The following GABRB2 variants were observed in gnomAD, a reference collection of about 807,000 sequenced individuals.
GABRB2 encodes the protein gamma-aminobutyric acid receptor subunit beta-2.
In GABRB2, 16 loss-of-function variants were observed where a neutral mutation model predicts 54.7. The observed-to-expected ratio is 0.29, with a 90% CI of 0.20 to 0.44. The LOEUF (loss-of-function observed/expected upper bound fraction) is 0.44. Among genes scored for constraint, GABRB2 ranks in the 20% least tolerant of loss-of-function variants. The probability of loss-of-function intolerance (pLI) is 1.00; values close to 1 mark genes in which losing one functional copy is unlikely to be tolerated. For missense variants in GABRB2, 355 were observed against 644.0 expected (o/e 0.55, Z 4.86); for synonymous variants, 244 against 233.8 (o/e 1.04, Z -0.40).
chr5:161,362,599 A>G (rs372275017), intron 5 of GABRB2, among the ~76,000 whole-genome samples: 1 of 151,994 alleles, frequency 6.6e-6, no homozygotes, highest in African/African-American at 2.4e-5. Context: ...GGCAACCTAC[A>G]GAATGGGAGA....
intron 4 of GABRB2, among the ~76,000 whole-genome samples, chr5:161,433,394 G>GCC (rs1757222684): frequency 1.3e-5 from 2 of 149,598 alleles, no homozygotes; most frequent in Non-Finnish European, 3.0e-5. Flanking sequence ...GAGCCCAGGA[G>GCC]TTTGAGACAA....
intron 4 of GABRB2, chr5:161,459,028 T>A (rs1213285600): frequency 1.3e-5 from 2 of 152,646 alleles, no homozygotes; most frequent in East Asian, 3.9e-4. Flanking sequence ...CAGTACAGAA[T>A]AAACTTTAAA....
rs901601236 is a variant in GABRB2 at position 161,321,787 on chromosome 5, T to G, written c.1191+4581A>C. On this transcript the variant is annotated intron_variant, in intron 9 of 9. Transcript: ENST00000393959. The stretch of plus-strand genomic sequence containing the variant: ...CATTCACTTTTTCTTAACTGGAAAT[T>G]GAGTAATTTCAGAGGAATATACTAA... Among the ~76,000 whole-genome samples, 3 of 152,174 alleles carry G rather than the reference T, an allele frequency of 2.0e-5. No homozygotes were observed. In the South Asian group the frequency reaches 6.2e-4, roughly 31 times the overall value.
intron 3 of GABRB2, among the ~76,000 whole-genome samples, chr5:161,522,905 G>A (rs1254808033): frequency 6.6e-6 from 1 of 151,356 alleles, no homozygotes; most frequent in Non-Finnish European, 1.5e-5. Flanking sequence ...GAGTGTTTCG[G>A]AGGTTTTGTG....
chr5:161,517,175 A>C (rs1339191615), intron 3 of GABRB2, among the ~76,000 whole-genome samples: 1 of 152,192 alleles, frequency 6.6e-6, no homozygotes, highest in Non-Finnish European at 1.5e-5. Flanking sequence ...TTTCATAAAG[A>C]TAGCTGTGAT....
intron 5 of GABRB2, among the ~76,000 whole-genome samples, chr5:161,377,308 A>G (rs1323233906): frequency 2.0e-5 from 3 of 152,096 alleles, no homozygotes; most frequent in Non-Finnish European, 4.4e-5. Context: ...GGGCCTCTGT[A>G]TCTTGAATCT....
At chr5:161,342,300 C>G (rs1224493829) in intron 5 of GABRB2, among the ~76,000 whole-genome samples, 1 of 151,720 alleles carries the variant, frequency 6.6e-6, no homozygotes, top group Non-Finnish European at 1.5e-5. Context: ...AATAAAATAC[C>G]TCATCATAAA....
At chr5:161,529,371 G>A (rs1444728068) in intron 3 of GABRB2, among the ~76,000 whole-genome samples, 1 of 151,936 alleles carries the variant, frequency 6.6e-6, no homozygotes, top group African/African-American at 2.4e-5. Flanking sequence ...TATGTTGGAG[G>A]CGATTCCATT....
rs1759294403 is a variant in GABRB2 at position 161,497,546 on chromosome 5, G to GTA, written c.238-37703_238-37702insTA. Among the ~76,000 whole-genome samples the GTA allele has an allele frequency of 2.0e-5, 3 of 149,178 alleles. No individual in the cohort carries two copies. The South Asian group carries it at 6.3e-4, about 32-fold the overall frequency. On this transcript the variant is annotated intron_variant, in intron 3 of 9. Transcript: ENST00000393959. ...TGTGTGTATATGTGTGTGTGTGTGT[G>GTA]TGTGTGTGTGTGTTTTATTTAGTAA...
chr5:161,516,902 T>C (rs953479513), intron 3 of GABRB2, among the ~76,000 whole-genome samples: 2 of 152,138 alleles, frequency 1.3e-5, no homozygotes, highest in Admixed American at 6.5e-5. Context: ...TGTCTATTAG[T>C]TCCCAACCCT....
intron 4 of GABRB2, among the ~76,000 whole-genome samples, chr5:161,451,608 C>A (rs1362435616): frequency 6.6e-6 from 1 of 152,052 alleles, no homozygotes; most frequent in African/African-American, 2.4e-5. Flanking sequence ...TAGCCACAAC[C>A]AAATAGTCCA....
chr5:161,379,452 T>C lies in GABRB2; in HGVS notation c.541+31523A>G, dbSNP rs762407546. Among the ~76,000 whole-genome samples the C allele has an allele frequency of 1.3e-4, 20 of 152,172 alleles. 1 individual carries two copies. Among genetic ancestry groups the C allele is most frequent in the Non-Finnish European group, 1.9e-4 (13 of 68,028 alleles). ...AGAAGTATGCTTAGATTTATAAACA[T>C]TTTAAATATTTAAGCACAATGTAAA... On this transcript the variant is annotated intron_variant, in intron 5 of 9. Coordinates refer to ENST00000393959, the MANE Select transcript of GABRB2 (RefSeq NM_001371727.1).
intron 5 of GABRB2, among the ~76,000 whole-genome samples, chr5:161,395,077 C>T (rs1755954779): frequency 6.6e-6 from 1 of 151,990 alleles, no homozygotes. Flanking sequence ...TAATATAACC[C>T]ATCATATTAG....
intron 3 of GABRB2, among the ~76,000 whole-genome samples, chr5:161,502,650 T>A (rs1259146704): frequency 6.6e-6 from 1 of 152,158 alleles, no homozygotes; most frequent in East Asian, 1.9e-4. Context: ...GAAATTGAGG[T>A]TCGTAAACAC....
At chr5:161,326,613 G>C (rs1327298301) in intron 8 of GABRB2, 132 bp from the exon 9 acceptor site, 24 of 1,120,670 alleles carry the variant, frequency 2.1e-5, no homozygotes, top group Admixed American at 3.5e-5. Flanking sequence ...GGCTAACAGA[G>C]AATGGGAATT....
At chr5:161,429,638 T>C (rs1757117918) in intron 4 of GABRB2, among the ~76,000 whole-genome samples, 1 of 152,102 alleles carries the variant, frequency 6.6e-6, no homozygotes, top group African/African-American at 2.4e-5. Context: ...AAGTAAACAA[T>C]AGTTGACTTT....
At chr5:161,298,634 C>A (rs1053208351) in intron 9 of GABRB2, among the ~76,000 whole-genome samples, 17 of 152,222 alleles carry the variant, frequency 1.1e-4, no homozygotes, top group Non-Finnish European at 2.4e-4. Flanking sequence ...GAGTTTCTTC[C>A]CTGCTCTAAG....
At chr5:161,358,422 A>G (rs1754704008) in intron 5 of GABRB2, among the ~76,000 whole-genome samples, 1 of 152,200 alleles carries the variant, frequency 6.6e-6, no homozygotes, top group Non-Finnish European at 1.5e-5. Flanking sequence ...TTGCTAAAAA[A>G]AAAAGTGGGG....
At chr5:161,522,649 C>G (rs1760151943) in intron 3 of GABRB2, among the ~76,000 whole-genome samples, 1 of 151,282 alleles carries the variant, frequency 6.6e-6, no homozygotes. Flanking sequence ...TATATCAACC[C>G]CTTCCTTTCT....
Sources: gnomAD v4.1 joint callset for allele counts (sites outside exome capture counted in the v4.1 genomes callset) on GRCh38, gnomAD v4.1.1 for gene constraint, MANE v1.5 for transcripts, NCBI Gene and HGNC (gene_info 2026-07-23, HGNC 2026-07-21) for gene names.